MGAT4D: variants seen among roughly 807,000 people sequenced by gnomAD.
MGAT4D encodes the protein alpha-1,3-mannosyl-glycoprotein 4-beta-N-acetylglucosaminyltransferase-like protein MGAT4D.
MGAT4D carries 34 observed loss-of-function variants against 15.9 expected under a neutral mutation model. That is an observed-to-expected ratio of 2.14 (90% CI 1.62 to 2.84). The LOEUF (loss-of-function observed/expected upper bound fraction) is 2.84. MGAT4D is among the 30% of genes most tolerant of loss of function. The pLI is 0.00. For missense variants in MGAT4D, 327 were observed against 140.2 expected, an observed-to-expected ratio of 2.33 and a Z score of -6.73; for synonymous variants, 112 against 48.2, an observed-to-expected ratio of 2.33 and a Z score of -5.49.
At chr4:140,463,281 G>C (rs986864822) in intron 6 of MGAT4D, among the ~76,000 whole-genome samples, 2 of 152,134 alleles carry the variant, frequency 1.3e-5, no homozygotes, top group Non-Finnish European at 2.9e-5. Flanking sequence ...GGGGTCACAG[G>C]GTGAAGGAAA....
chr4:140,478,765 T>G (rs1348596321), intron 3 of MGAT4D, among the ~76,000 whole-genome samples: 3 of 83,188 alleles, frequency 3.6e-5, no homozygotes, highest in Non-Finnish European at 7.0e-5. Flanking sequence ...TCAGCAAACT[T>G]TTTTTTTTTT....
In MGAT4D at chr4:140,442,586, G is replaced by A. The variant is rs753048462; in HGVS notation, c.*850C>T. 4 of 151,920 alleles carry A rather than the reference G, an allele frequency of 2.6e-5. No homozygotes were observed. The highest frequency in any genetic ancestry group is 5.9e-5 in the Non-Finnish European group (4 of 67,942). The allele number at this position is 151,920 out of a possible 1,614,324, so 9.4% of individuals were successfully genotyped here. ...AAGAGAATTTTGCACCCAATAGATA[G>A]GAATACTTTTAAGAGATATTTTTAA... On this transcript the variant is annotated 3_prime_UTR_variant, in exon 11 of 11. Transcript: ENST00000511113.
chr4:140,466,874 A>T (rs1731570071), intron 5 of MGAT4D, among the ~76,000 whole-genome samples: 1 of 152,146 alleles, frequency 6.6e-6, no homozygotes, highest in African/African-American at 2.4e-5. Flanking sequence ...ATGGGGTTGG[A>T]ATAGCATATT....
intron 5 of MGAT4D, among the ~76,000 whole-genome samples, chr4:140,470,601 A>G (rs191409957): frequency 7.2e-4 from 110 of 152,202 alleles, no homozygotes; most frequent in Non-Finnish European, 1.3e-3. Context: ...TTAACTCCAA[A>G]TACCCATTTC....
chr4:140,480,741 AC>A (rs1362328257), intron 2 of MGAT4D, among the ~76,000 whole-genome samples: 1 of 61,432 alleles, frequency 1.6e-5, no homozygotes, highest in Non-Finnish European at 3.1e-5. Context: ...ACACACACAC[AC>A]ACACACACAC....
At chr4:140,469,896 C>T (rs997939185) in intron 5 of MGAT4D, among the ~76,000 whole-genome samples, 2 of 152,260 alleles carry the variant, frequency 1.3e-5, no homozygotes, top group African/African-American at 4.8e-5. Flanking sequence ...TCACACTGCA[C>T]ATCGCACCCC....
chr4:140,475,660 C>CAAAAAAAAA (rs1162390812), intron 3 of MGAT4D, among the ~76,000 whole-genome samples: 3 of 52,868 alleles, frequency 5.7e-5, no homozygotes, highest in East Asian at 4.7e-4. Flanking sequence ...AATAAAACTG[C>CAAAAAAAAA]AAAAAAAAAA....
chr4:140,466,670 C>G (rs1021865837), intron 5 of MGAT4D, among the ~76,000 whole-genome samples: 2 of 151,996 alleles, frequency 1.3e-5, no homozygotes, highest in African/African-American at 4.8e-5. Flanking sequence ...TTTTAACATA[C>G]GTTTAAAGGT....
intron 1 of MGAT4D, among the ~76,000 whole-genome samples, chr4:140,494,946 A>G (rs12508462): frequency 0.26 from 40,061 of 152,080 alleles, 5,856 homozygotes; most frequent in East Asian, 0.48. Flanking sequence ...AGCATCCCGC[A>G]ATTCTCTTCT....
In MGAT4D at chr4:140,443,222, T is replaced by A. The variant is rs1186220198; in HGVS notation, c.*214A>T. The A allele has an allele frequency of 1.7e-5, 4 of 241,008 alleles. No homozygotes were observed. The highest frequency in any genetic ancestry group is 3.1e-5 in the Non-Finnish European group (4 of 127,880). 14.9% of individuals were successfully genotyped at this position (241,008 alleles called of 1,614,324 possible). A position where few individuals can be genotyped will look rare whatever the true frequency, so the allele number is the denominator to read the frequency against. The stretch of plus-strand genomic sequence containing the variant: ...AAAACTTCCTTGCCTTTAGTATTTT[T>A]AAATTAAATTGTAATAGGGTAAAAG... On this transcript the variant is annotated 3_prime_UTR_variant, in exon 11 of 11. Transcript: ENST00000511113.
chr4:140,445,744 C>T (rs6536962), intron 10 of MGAT4D, among the ~76,000 whole-genome samples: 13,732 of 152,150 alleles, frequency 0.09, 740 homozygotes, highest in East Asian at 0.21. Flanking sequence ...ATCTTCTGCA[C>T]GCGGCCAGCC....
chr4:140,477,653 G>C (rs147096212), intron 3 of MGAT4D, among the ~76,000 whole-genome samples: 357 of 152,338 alleles, frequency 2.3e-3, no homozygotes, highest in African/African-American at 8.3e-3. Flanking sequence ...GAAAGGAGAG[G>C]CATGGCAGAG....
chr4:140,462,603 C>A (rs1731265979), intron 6 of MGAT4D: 1 of 152,192 alleles, frequency 6.6e-6, no homozygotes, highest in African/African-American at 2.4e-5. Flanking sequence ...TGTTAACTCC[C>A]TTCACAAAGT....
At chr4:140,478,136 A>C (rs1386119346) in intron 3 of MGAT4D, among the ~76,000 whole-genome samples, 1 of 152,176 alleles carries the variant, frequency 6.6e-6, no homozygotes, top group African/African-American at 2.4e-5. Context: ...AGAAGGATAA[A>C]TACGTACACC....
chr4:140,497,855 G>A (rs1373010342), intron 1 of MGAT4D, among the ~76,000 whole-genome samples: 1 of 152,220 alleles, frequency 6.6e-6, no homozygotes, highest in Non-Finnish European at 1.5e-5. Context: ...AAAAGGGAGC[G>A]GCGGGTACCC....
At chr4:140,493,878 T>C (rs1459599773) in intron 1 of MGAT4D, among the ~76,000 whole-genome samples, 3 of 152,212 alleles carry the variant, frequency 2.0e-5, no homozygotes, top group Admixed American at 6.5e-5. Context: ...TTGGTGATTC[T>C]TCCACCAAAC....
chr4:140,461,617 G>C (rs1190919101), intron 7 of MGAT4D, among the ~76,000 whole-genome samples: 1 of 151,930 alleles, frequency 6.6e-6, no homozygotes, highest in Non-Finnish European at 1.5e-5. Context: ...ATAAATATAG[G>C]CATACAATTT....
At chr4:140,463,354 G>A (rs115259918) in intron 6 of MGAT4D, among the ~76,000 whole-genome samples, 204 of 152,166 alleles carry the variant, frequency 1.3e-3, no homozygotes, top group African/African-American at 4.8e-3. Context: ...TAATCTGGGG[G>A]CAGGGTGAAT....
At chr4:140,496,749 A>T (rs1733861777) in intron 1 of MGAT4D, among the ~76,000 whole-genome samples, 2 of 152,306 alleles carry the variant, frequency 1.3e-5, no homozygotes, top group South Asian at 4.1e-4. Context: ...AGACTGAGGC[A>T]TGAGAATTGC....
Sources: gnomAD v4.1 joint callset for allele counts (sites outside exome capture counted in the v4.1 genomes callset) on GRCh38, gnomAD v4.1.1 for gene constraint, MANE v1.5 for transcripts, NCBI Gene and HGNC (gene_info 2026-07-23, HGNC 2026-07-21) for gene names.